The following DMD variants were observed in gnomAD, a reference collection of about 807,000 sequenced individuals.
The protein encoded by DMD is mutant dystrophin.
A neutral mutation model predicts 330.1 loss-of-function variants in DMD; 63 were observed. The ratio of observed to expected loss-of-function variants is 0.19; its 90% CI spans 0.16 to 0.24. The LOEUF (loss-of-function observed/expected upper bound fraction) is 0.24, where lower values mean the gene tolerates loss of function less well. Among genes scored for constraint, DMD ranks in the 10% least tolerant of loss-of-function variants. The pLI is 1.00. For missense variants in DMD, 3,344 were observed against 2,684.1 expected, an observed-to-expected ratio of 1.25 and a Z score of -5.43; for synonymous variants, 1,223 against 959.8, an observed-to-expected ratio of 1.27 and a Z score of -5.07.
chrX:33,121,421 C>T (rs1403137693), intron 1 of DMD, among the ~76,000 whole-genome samples: 1 of 110,530 alleles, frequency 9.0e-6, no homozygotes, highest in African/African-American at 3.3e-5. Flanking sequence ...TTGGTAGAGA[C>T]GGGGTTTCAC....
chrX:32,044,429 A>AT (rs35393923), intron 44 of DMD, among the ~76,000 whole-genome samples: 24,953 of 104,878 alleles, frequency 0.24, 2,526 homozygotes, highest in East Asian at 0.41. Flanking sequence ...TATTTATTTA[A>AT]TTTTTTTTTT....
chrX:32,364,435 G>C, intron 36 of DMD, 147 bp downstream of exon 36: 2 of 652,508 alleles, frequency 3.1e-6, no homozygotes, highest in South Asian at 5.3e-5. Flanking sequence ...CCATTCAAAG[G>C]GGGAAGGAAG....
chrX:33,282,232 C>T (rs1170757350), intron 1 of DMD, among the ~76,000 whole-genome samples: 2 of 111,593 alleles, frequency 1.8e-5, no homozygotes, highest in African/African-American at 3.3e-5. Flanking sequence ...CTTTCCACCT[C>T]GATGTCTTCC....
chrX:33,056,653 C>T (rs1484199060), intron 1 of DMD, among the ~76,000 whole-genome samples: 1 of 110,832 alleles, frequency 9.0e-6, no homozygotes, highest in Admixed American at 9.6e-5. Flanking sequence ...TGAGCCACCG[C>T]GCCCCGGCCC....
intron 2 of DMD, among the ~76,000 whole-genome samples, chrX:32,920,752 T>C (rs1036748178): frequency 7.1e-5 from 8 of 112,192 alleles, no homozygotes; most frequent in Non-Finnish European, 1.5e-4. Context: ...ACTACTCTCA[T>C]GGAACTTCCA....
intron 60 of DMD, among the ~76,000 whole-genome samples, chrX:31,406,763 G>T (rs1287767066): frequency 4.5e-5 from 5 of 111,233 alleles, no homozygotes. Flanking sequence ...CTGTCCAATT[G>T]CAGAGCCCCT....
intron 1 of DMD, among the ~76,000 whole-genome samples, chrX:33,175,235 G>A (rs763406025): frequency 1.2e-4 from 13 of 112,571 alleles, no homozygotes; most frequent in African/African-American, 3.9e-4. Flanking sequence ...GTGAGAGCTT[G>A]ACACTGCATG....
chrX:32,845,543 TA>T (rs2148988711), intron 3 of DMD, among the ~76,000 whole-genome samples: 1 of 111,828 alleles, frequency 8.9e-6, no homozygotes, highest in African/African-American at 3.2e-5. Flanking sequence ...CCTTATTAGC[TA>T]TTGCCCAGAG....
chrX:31,291,659 C>A (rs2053706797), intron 62 of DMD, among the ~76,000 whole-genome samples: 1 of 111,730 alleles, frequency 9.0e-6, no homozygotes, highest in Non-Finnish European at 1.9e-5. Context: ...AATTTTCCCA[C>A]TAGGAAAATT....
At chrX:31,463,303 T>C (rs1433709898) in intron 59 of DMD, among the ~76,000 whole-genome samples, 1 of 112,051 alleles carries the variant, frequency 8.9e-6, no homozygotes, top group Non-Finnish European at 1.9e-5. Context: ...AATCTTATTA[T>C]GAAAAAGTTC....
rs188265921 is a variant in DMD at position 31,470,276 on chromosome X, C to T, written c.8937+7830G>A. On this transcript the variant is annotated intron_variant, in intron 59 of 78. Transcript: ENST00000357033. ...CGTTCCGGTTTTTGGAATTTTCAGG[C>T]TTTTTGTGCTGGTTTTTCCTCATCT... Among the ~76,000 whole-genome samples, 4 of 111,449 alleles carry T rather than the reference C, an allele frequency of 3.6e-5. No individual in the cohort carries two copies. In the East Asian group the frequency reaches 1.1e-3, roughly 32 times the overall value.
intron 1 of DMD, among the ~76,000 whole-genome samples, chrX:33,068,700 T>C (rs1270948169): frequency 8.9e-6 from 1 of 112,376 alleles, no homozygotes; most frequent in Non-Finnish European, 1.9e-5. Flanking sequence ...CCAACATTTT[T>C]GGCTTATGTC....
At chrX:31,800,498 T>C (rs904333796) in intron 50 of DMD, among the ~76,000 whole-genome samples, 6 of 111,978 alleles carry the variant, frequency 5.4e-5, no homozygotes, top group African/African-American at 9.7e-5. Flanking sequence ...CGTGAAACCA[T>C]GTTTTCCTTT....
At chrX:32,235,184 C>T (rs2097183167) in intron 43 of DMD, among the ~76,000 whole-genome samples, 1 of 111,388 alleles carries the variant, frequency 9.0e-6, no homozygotes, top group Non-Finnish European at 1.9e-5. Flanking sequence ...AGCTTCCTTT[C>T]CTGCAGCTAG....
intron 62 of DMD, among the ~76,000 whole-genome samples, chrX:31,286,918 G>A (rs188862228): frequency 3.6e-5 from 4 of 111,838 alleles, no homozygotes; most frequent in Admixed American, 9.4e-5. Context: ...GGCATGTGCC[G>A]CCATGCCCGG....
At chrX:31,144,699 G>A (rs1370094027) in intron 76 of DMD, among the ~76,000 whole-genome samples, 1 of 43,893 alleles carries the variant, frequency 2.3e-5, no homozygotes, top group Non-Finnish European at 6.7e-5. Flanking sequence ...TATTCTGTGA[G>A]GTAAGATTTG....
At chrX:32,848,009 A>C (rs750479691) in intron 3 of DMD, among the ~76,000 whole-genome samples, 1 of 112,195 alleles carries the variant, frequency 8.9e-6, no homozygotes, top group African/African-American at 3.2e-5. Flanking sequence ...AAAGGATCTG[A>C]AATTCATTAT....
At chrX:31,642,771 TG>T (rs1368188528) in intron 54 of DMD, among the ~76,000 whole-genome samples, 1 of 111,826 alleles carries the variant, frequency 8.9e-6, no homozygotes, top group Non-Finnish European at 1.9e-5. Flanking sequence ...AAAGCAGTGC[TG>T]GGGAAGAGGC....
chrX:32,425,435 T>A (rs2098208208), intron 29 of DMD, among the ~76,000 whole-genome samples: 1 of 111,609 alleles, frequency 9.0e-6, no homozygotes, highest in Non-Finnish European at 1.9e-5. Flanking sequence ...TTTGCTCTTA[T>A]ATATTATGTC....
Sources: allele counts gnomAD v4.1 joint callset (sites outside exome capture counted in the v4.1 genomes callset), GRCh38; gene constraint gnomAD v4.1.1; transcripts MANE v1.5; gene names NCBI Gene and HGNC (gene_info 2026-07-23, HGNC 2026-07-21).